Variants in GABRB1 observed in about 807,000 individuals in gnomAD.
GABRB1 encodes the protein gamma-aminobutyric acid receptor subunit beta-1.
In GABRB1, 17 loss-of-function variants were observed where a neutral mutation model predicts 51.6. The observed-to-expected ratio is 0.33, with a 90% confidence interval of 0.23 to 0.49. GABRB1 has a LOEUF of 0.49. Ranked by LOEUF, GABRB1 falls within the 20% of genes least tolerant of loss-of-function variation. The pLI is 0.99. For synonymous variants in GABRB1, 247 were observed against 218.9 expected, an observed-to-expected ratio of 1.13 and a Z score of -1.14; for missense variants, 410 against 600.6, an observed-to-expected ratio of 0.68 and a Z score of 3.32.
rs546148269 is a variant in GABRB1 at position 47,344,494 on chromosome 4, C to G, written c.544+24285C>G. Among the ~76,000 whole-genome samples the G allele has an allele frequency of 2.6e-5, 4 of 152,164 alleles. No individual in the cohort carries two copies. The South Asian group carries it at 8.3e-4, about 32-fold the overall frequency. On this transcript the variant is annotated intron_variant, in intron 5 of 8. Transcript: ENST00000295454. ...GTTATTGTTTTTAGTTTGGAGGAAA[C>G]AATACCAAAACATATAGAAAGTCAT...
At chr4:47,271,681 T>C (rs1037025084) in intron 4 of GABRB1, among the ~76,000 whole-genome samples, 3 of 152,170 alleles carry the variant, frequency 2.0e-5, no homozygotes, top group Non-Finnish European at 4.4e-5. Context: ...TATATTATTT[T>C]CTTTCTTTCA....
At chr4:47,142,083 A>G (rs188009163) in intron 3 of GABRB1, among the ~76,000 whole-genome samples, 4 of 152,090 alleles carry the variant, frequency 2.6e-5, no homozygotes, top group Admixed American at 2.0e-4. Context: ...TAAAGAAATA[A>G]GTAATTTCAA....
In GABRB1 at chr4:47,278,598, G is replaced by A. The variant is rs529345974; in HGVS notation, c.462-41529G>A. Among the ~76,000 whole-genome samples, 3 of 136,866 alleles carry A rather than the reference G, an allele frequency of 2.2e-5. 1 individual carries two copies. In the South Asian group the frequency reaches 7.7e-4, roughly 35 times the overall value. 89.8% of individuals were successfully genotyped at this position (136,866 alleles called of 152,430 possible). A position where few individuals can be genotyped will look rare whatever the true frequency, so the allele number is the denominator to read the frequency against. On this transcript the variant is annotated intron_variant, in intron 4 of 8. Transcript: ENST00000295454. The stretch of plus-strand genomic sequence containing the variant: ...TAAACTGGGAATTGTTGAACTGGGT[G>A]GAGCTCCAAGCCCTAGGTTTTTGCC...
At chr4:47,216,688 A>T (rs1328725922) in intron 4 of GABRB1, among the ~76,000 whole-genome samples, 2 of 151,902 alleles carry the variant, frequency 1.3e-5, no homozygotes, top group Admixed American at 1.3e-4. Context: ...GGGGAGCTCT[A>T]TTTCATATCC....
At chr4:47,308,627 A>G (rs998172274) in intron 4 of GABRB1, among the ~76,000 whole-genome samples, 8 of 152,082 alleles carry the variant, frequency 5.3e-5, no homozygotes, top group Non-Finnish European at 1.0e-4. Flanking sequence ...TTGTTCTAGG[A>G]AAGAGAATCA....
chr4:47,012,047 C>T (rs1724597895), intron 1 of GABRB1, among the ~76,000 whole-genome samples: 2 of 152,114 alleles, frequency 1.3e-5, no homozygotes, highest in Admixed American at 1.3e-4. Flanking sequence ...TCCTGAGTAT[C>T]CACCACACTG....
At chr4:47,186,855 T>C (rs1719202921) in intron 4 of GABRB1, among the ~76,000 whole-genome samples, 1 of 151,914 alleles carries the variant, frequency 6.6e-6, no homozygotes, top group African/African-American at 2.4e-5. Flanking sequence ...TAGGTAACAA[T>C]TGAATAAAGT....
chr4:47,353,610 A>T (rs1404157946), intron 5 of GABRB1, among the ~76,000 whole-genome samples: 1 of 152,198 alleles, frequency 6.6e-6, no homozygotes, highest in African/African-American at 2.4e-5. Context: ...ATGGGAATGA[A>T]TACCTATCTT....
chr4:47,111,272 G>A (rs1040401013), intron 3 of GABRB1, among the ~76,000 whole-genome samples: 3 of 151,958 alleles, frequency 2.0e-5, no homozygotes, highest in Non-Finnish European at 4.4e-5. Context: ...TAAGCTTCTG[G>A]GTGGGAGAGT....
intron 8 of GABRB1, among the ~76,000 whole-genome samples, chr4:47,414,792 A>T (rs1326524809): frequency 6.6e-6 from 1 of 152,322 alleles, no homozygotes; most frequent in East Asian, 1.9e-4. Context: ...ATTGTGGTTA[A>T]TTCCAGGATG....
intron 5 of GABRB1, among the ~76,000 whole-genome samples, chr4:47,388,404 C>A (rs1045677429): frequency 6.6e-6 from 1 of 152,016 alleles, no homozygotes; most frequent in Non-Finnish European, 1.5e-5. Flanking sequence ...ATGCCAGGGT[C>A]GAAATGGAGT....
In GABRB1 at chr4:47,187,101, G is replaced by A. The variant is rs528737880; in HGVS notation, c.461+25632G>A. Among the ~76,000 whole-genome samples the A allele has an allele frequency of 2.7e-3, 412 of 151,890 alleles. 3 individuals are homozygous for A. Among genetic ancestry groups the A allele is most frequent in the African/African-American group, 8.9e-3 (369 of 41,504 alleles). On this transcript the variant is annotated intron_variant, in intron 4 of 8. Transcript: ENST00000295454. ...TGTGATTCCAGTGCTTTTACATTTAGGCACTGTACTCAAAACTTCTTTTAT... is the reference window on the plus strand; with the variant it reads ...TGTGATTCCAGTGCTTTTACATTTAAGCACTGTACTCAAAACTTCTTTTAT...
chr4:47,281,657 A>G (rs1209166697), intron 4 of GABRB1, among the ~76,000 whole-genome samples: 2 of 152,208 alleles, frequency 1.3e-5, no homozygotes, highest in Non-Finnish European at 2.9e-5. Flanking sequence ...GTGTTTATCA[A>G]TGTATGAATG....
intron 4 of GABRB1, among the ~76,000 whole-genome samples, chr4:47,165,460 A>C (rs146930563): frequency 5.3e-5 from 8 of 152,036 alleles, no homozygotes; most frequent in African/African-American, 1.9e-4. Context: ...CTACTTTCCT[A>C]TAACAACTCT....
intron 4 of GABRB1, among the ~76,000 whole-genome samples, chr4:47,217,589 A>G (rs1270393929): frequency 6.6e-6 from 1 of 151,816 alleles, no homozygotes; most frequent in Admixed American, 6.6e-5. Context: ...TGCTCCTGTC[A>G]TCAAATCATA....
intron 1 of GABRB1, among the ~76,000 whole-genome samples, chr4:46,998,903 G>A (rs899790481): frequency 1.1e-4 from 17 of 152,014 alleles, no homozygotes; most frequent in African/African-American, 4.1e-4. Context: ...AATAAGTTTA[G>A]AAGTGCTACT....
intron 4 of GABRB1, among the ~76,000 whole-genome samples, chr4:47,301,755 A>T (rs1459155070): frequency 6.6e-6 from 1 of 152,184 alleles, no homozygotes; most frequent in Admixed American, 6.6e-5. Context: ...TACTGAAAAA[A>T]CATAGCATAC....
chr4:47,344,302 A>T (rs1232266445), intron 5 of GABRB1, among the ~76,000 whole-genome samples: 1 of 152,188 alleles, frequency 6.6e-6, no homozygotes, highest in East Asian at 1.9e-4. Context: ...GCAAGTCAAC[A>T]ATTAGTTGTA....
chr4:47,195,391 AGAT>A (rs199927423), intron 4 of GABRB1, among the ~76,000 whole-genome samples: 62 of 89,864 alleles, frequency 6.9e-4, no homozygotes, highest in African/African-American at 1.0e-3. Flanking sequence ...ATAGATAGAT[AGAT>A]GATAGATAGA....
Sources: allele counts gnomAD v4.1 joint callset (sites outside exome capture counted in the v4.1 genomes callset), GRCh38; gene constraint gnomAD v4.1.1; transcripts MANE v1.5; gene names NCBI Gene and HGNC (gene_info 2026-07-23, HGNC 2026-07-21).